The following MARCHF10 variants were observed in gnomAD, a reference collection of about 807,000 sequenced individuals.
MARCHF10 encodes probable E3 ubiquitin-protein ligase MARCHF10.
In MARCHF10, 64 loss-of-function variants were observed where a neutral mutation model predicts 76.2. The ratio of observed to expected loss-of-function variants is 0.84; its 90% CI spans 0.69 to 1.03. The LOEUF (loss-of-function observed/expected upper bound fraction) is 1.03, where lower values mean the gene tolerates loss of function less well. MARCHF10 is among the 50% of genes least tolerant of loss of function. MARCHF10 has a pLI of 0.00. For missense variants in MARCHF10, 875 were observed against 958.0 expected, an observed-to-expected ratio of 0.91 and a Z score of 1.14; for synonymous variants, 340 against 357.5, an observed-to-expected ratio of 0.95 and a Z score of 0.55.
chr17:62,726,152 G>GTA (rs1465511242), intron 6 of MARCHF10: 7 of 152,242 alleles, frequency 4.6e-5, no homozygotes, highest in African/African-American at 9.6e-5. Context: ...TAACGAAAAT[G>GTA]TAAGTAAAGA....
At chr17:62,751,030 GGAGA>G (rs1226909263) in intron 4 of MARCHF10, among the ~76,000 whole-genome samples, 2 of 152,218 alleles carry the variant, frequency 1.3e-5, no homozygotes, top group Non-Finnish European at 1.5e-5. Flanking sequence ...GAGAAAGAAA[GGAGA>G]GAGATCCCGG....
Position 62,745,356 on chromosome 17 carries a change from G to T in MARCHF10, c.383-828C>A, listed in dbSNP as rs140353536. On this transcript the variant is annotated intron_variant, in intron 4 of 10. Coordinates refer to ENST00000311269, the MANE Select transcript of MARCHF10 (RefSeq NM_152598.4). The stretch of plus-strand genomic sequence containing the variant: ...TGACCTCAAGTGATCTACTCAGCTT[G>T]GCCTCCCAAAGTGCTGGGATTACAG... 4.9e-3 allele frequency among the ~76,000 whole-genome samples: 751 copies of T among 152,118 alleles called. 8 individuals carry two copies. Among genetic ancestry groups the T allele is most frequent in the African/African-American group, 0.017 (721 of 41,514 alleles).
Position 62,705,448 on chromosome 17 carries a change from T to G in MARCHF10, c.2371+91A>C. The G allele has an allele frequency of 1.9e-6, 3 of 1,611,330 alleles. No individual in the cohort carries two copies. The South Asian group carries it at 3.3e-5, about 18-fold the overall frequency. On this transcript the variant is annotated intron_variant, in intron 10 of 10. Transcript: ENST00000311269. Reference sequence around the variant, plus strand: ...TTGCCTCTGGGTGGTGGTCATTCCTTCCTTCCATGGCATTTGGTTCCACAC... The same window carrying G: ...TTGCCTCTGGGTGGTGGTCATTCCTGCCTTCCATGGCATTTGGTTCCACAC...
At chr17:62,763,117 A>G (rs971231243) in intron 3 of MARCHF10, among the ~76,000 whole-genome samples, 3 of 152,260 alleles carry the variant, frequency 2.0e-5, no homozygotes, top group Admixed American at 6.5e-5. Context: ...CATAGCACTT[A>G]GAACAGCACC....
rs750261499 is a variant in MARCHF10 at position 62,737,109 on chromosome 17, C to T, written c.759G>A (p.Gly253=). 2.5e-6 allele frequency: 4 copies of T among 1,614,040 alleles called. No individual in the cohort carries two copies. In the Admixed American group the frequency reaches 6.7e-5, roughly 27 times the overall value. ...NSPQVLSEFS[G]PPLTPTTVGG... ...CTACAGTGGTGGGTGTGAGTGGTGG[C>T]CCCGAGAACTCACTCAATACTTGAG... The change falls in exon 6 of 11, where the codon GGG becomes GGA. Residue 253 remains glycine (G), a synonymous_variant. Coordinates refer to ENST00000311269, the MANE Select transcript of MARCHF10 (RefSeq NM_152598.4).
chr17:62,722,588 A>G lies in MARCHF10; in HGVS notation c.2114T>C (p.Leu705Pro). 2 of 1,613,544 alleles carry G rather than the reference A, an allele frequency of 1.2e-6. No individual in the cohort carries two copies. Among genetic ancestry groups the G allele is most frequent in the Non-Finnish European group, 1.7e-6 (2 of 1,179,788 alleles). Reference sequence around the variant, plus strand: ...CATCTCACAGGTCTTCACGGCACCAAGATCTGCTCCTTAAATTGGATAAAG... The same window carrying G: ...CATCTCACAGGTCTTCACGGCACCAGGATCTGCTCCTTAAATTGGATAAAG... Reference protein sequence around the residue: ...LKVKITSGADLGAVKTCEMCK... With the variant: ...LKVKITSGADPGAVKTCEMCK... The change falls in exon 8 of 11, where the codon CTT becomes CCT. Residue 705 changes from leucine (L) to proline (P), a missense_variant. Leu to Pro is a moderately conservative substitution (Grantham distance 98, BLOSUM62 -3). Coordinates refer to ENST00000311269, the MANE Select transcript of MARCHF10 (RefSeq NM_152598.4).
intron 6 of MARCHF10, chr17:62,735,721 G>C: frequency 3.6e-6 from 2 of 558,740 alleles, no homozygotes; most frequent in Admixed American, 3.7e-5. Context: ...AAATAGAGAA[G>C]AAACTGATCA....
chr17:62,741,227 A>G (rs1003939280), intron 5 of MARCHF10, among the ~76,000 whole-genome samples: 2 of 152,156 alleles, frequency 1.3e-5, no homozygotes, highest in South Asian at 2.1e-4. Flanking sequence ...CTCTTCCCCT[A>G]TTGTTGGGTA....
rs185386843 is a variant in MARCHF10, at chr17:62,759,413, C to T, written c.382+422G>A. On this transcript the variant is annotated intron_variant, in intron 4 of 10. Transcript: ENST00000311269. ...TGTTTGCATAGGATCACTGGCCTTT[C>T]GAAACCTGAATTAGCCATTCAGAAA... Among the ~76,000 whole-genome samples, 19 of 152,284 alleles carry T rather than the reference C, an allele frequency of 1.2e-4. No individual in the cohort carries two copies. The East Asian group carries it at 2.7e-3, about 22-fold the overall frequency.
chr17:62,763,340 C>A (rs912211219), intron 3 of MARCHF10, among the ~76,000 whole-genome samples: 1 of 152,114 alleles, frequency 6.6e-6, no homozygotes, highest in African/African-American at 2.4e-5. Flanking sequence ...AGTTCCACAC[C>A]AGACTCTTGG....
intron 3 of MARCHF10, chr17:62,781,069 C>T (rs1568201208): frequency 6.6e-6 from 1 of 152,148 alleles, no homozygotes; most frequent in Non-Finnish European, 1.5e-5. Flanking sequence ...ACTAAATTAC[C>T]CACTTTCTAG....
chr17:62,796,456 C>A (rs2092987327), intron 2 of MARCHF10, among the ~76,000 whole-genome samples: 1 of 152,194 alleles, frequency 6.6e-6, no homozygotes, highest in African/African-American at 2.4e-5. Context: ...TTAAAGACAA[C>A]CAGATTTATT....
chr17:62,708,402 C>T (rs908445229), intron 9 of MARCHF10, among the ~76,000 whole-genome samples: 5 of 152,096 alleles, frequency 3.3e-5, no homozygotes, highest in East Asian at 3.9e-4. Flanking sequence ...CACGCTGCCA[C>T]GCCCGGCTAA....
In MARCHF10 at chr17:62,748,437, A is replaced by AAAC. The variant is rs1421173856; in HGVS notation, c.383-3910_383-3909insGTT. Among the ~76,000 whole-genome samples the AAAC allele has an allele frequency of 9.9e-5, 12 of 121,770 alleles. No homozygotes were observed. In the East Asian group the frequency reaches 2.7e-3, roughly 28 times the overall value. 79.9% of individuals were successfully genotyped at this position (121,770 alleles called of 152,430 possible). A position where few individuals can be genotyped will look rare whatever the true frequency, so the allele number is the denominator to read the frequency against. The stretch of plus-strand genomic sequence containing the variant: ...ACAAACAAACAAACAAACAAACAAA[A>AAAC]AAGAGATTCTAACATTCAGCCAGGC... On this transcript the variant is annotated intron_variant, in intron 4 of 10. Transcript: ENST00000311269.
chr17:62,716,450 A>T (rs1162559326), intron 8 of MARCHF10, among the ~76,000 whole-genome samples: 1 of 151,814 alleles, frequency 6.6e-6, no homozygotes, highest in African/African-American at 2.4e-5. Flanking sequence ...AAAAAAAGAA[A>T]AAAAGCAGGG....
chr17:62,785,414 A>G (rs2092727961), intron 3 of MARCHF10, among the ~76,000 whole-genome samples: 2 of 152,244 alleles, frequency 1.3e-5, no homozygotes, highest in South Asian at 4.1e-4. Context: ...ACCTAAAACC[A>G]TAAAAATCCT....
In MARCHF10 at chr17:62,760,024, C is replaced by G. The variant is rs202139359; in HGVS notation, c.211-18G>C. The G allele has an allele frequency of 6.2e-7, 1 of 1,607,678 alleles. No homozygotes were observed. Among genetic ancestry groups the G allele is most frequent in the South Asian group, 1.1e-5 (1 of 90,332 alleles). On this transcript the variant is annotated intron_variant, in intron 3 of 10. Coordinates refer to ENST00000311269, the MANE Select transcript of MARCHF10 (RefSeq NM_152598.4). Reference sequence around the variant, plus strand: ...CTAGAACTCTACCAAAAATGAAATACGTCTGAGTCTCAGTGGCCAAGTAGG... The same window carrying G: ...CTAGAACTCTACCAAAAATGAAATAGGTCTGAGTCTCAGTGGCCAAGTAGG...
rs758284471 is a variant in MARCHF10, at chr17:62,701,651, A to C, written c.*52T>G. The C allele has an allele frequency of 1.6e-5, 26 of 1,613,214 alleles. No homozygotes were observed. The highest frequency in any genetic ancestry group is 8.5e-7 in the Non-Finnish European group (1 of 1,179,888). On this transcript the variant is annotated 3_prime_UTR_variant, in exon 11 of 11. Transcript: ENST00000311269. Reference sequence around the variant, plus strand: ...GGAGGGAGGCACTTGGGGACGTAGAAAGAAGGGCTGGCGGGAGAGGTCTCC... The same window carrying C: ...GGAGGGAGGCACTTGGGGACGTAGACAGAAGGGCTGGCGGGAGAGGTCTCC...
chr17:62,752,214 AGTT>A (rs2147908318), intron 4 of MARCHF10, among the ~76,000 whole-genome samples: 1 of 151,962 alleles, frequency 6.6e-6, no homozygotes, highest in East Asian at 1.9e-4. Flanking sequence ...TTCTCTTTAC[AGTT>A]GTTATCTCCC....
Sources: allele counts gnomAD v4.1 joint callset (sites outside exome capture counted in the v4.1 genomes callset), GRCh38; gene constraint gnomAD v4.1.1; transcripts MANE v1.5; gene names NCBI Gene and HGNC (gene_info 2026-07-23, HGNC 2026-07-21).